The following DPP10 variants were observed in gnomAD, a reference collection of about 807,000 sequenced individuals.
DPP10 encodes inactive dipeptidyl peptidase 10.
DPP10 carries 33 observed loss-of-function variants against 120.9 expected under a neutral mutation model. That is an observed-to-expected ratio of 0.27 (90% confidence interval 0.21 to 0.37). The LOEUF (loss-of-function observed/expected upper bound fraction) is 0.37, where lower values mean the gene tolerates loss of function less well. DPP10 is among the 10% of genes least tolerant of loss of function. The pLI, the probability that DPP10 is intolerant of heterozygous loss-of-function variation, is 1.00. For missense variants in DPP10, 816 were observed against 942.8 expected, an observed-to-expected ratio of 0.87 and a Z score of 1.76; for synonymous variants, 337 against 326.1, an observed-to-expected ratio of 1.03 and a Z score of -0.36.
chr2:114,799,227 C>G (rs951108440), intron 1 of DPP10, among the ~76,000 whole-genome samples: 4 of 152,188 alleles, frequency 2.6e-5, no homozygotes, highest in East Asian at 1.9e-4. Context: ...CATTATCTCT[C>G]CTTCCTAAAG....
chr2:114,831,385 A>T (rs1687106278), intron 1 of DPP10, among the ~76,000 whole-genome samples: 1 of 152,202 alleles, frequency 6.6e-6, no homozygotes, highest in African/African-American at 2.4e-5. Flanking sequence ...CAGAACCCCC[A>T]AACTGAAAAT....
At chr2:114,762,545 T>C (rs1680372981) in intron 1 of DPP10, among the ~76,000 whole-genome samples, 1 of 152,136 alleles carries the variant, frequency 6.6e-6, no homozygotes. Flanking sequence ...CCATGGAATA[T>C]AAAAGGAAGC....
At chr2:114,482,729 G>C (rs1215710784) in intron 1 of DPP10, among the ~76,000 whole-genome samples, 1 of 152,158 alleles carries the variant, frequency 6.6e-6, no homozygotes, top group Non-Finnish European at 1.5e-5. Context: ...TTCAGATAGA[G>C]ACTCTTCAGC....
chr2:114,823,513 G>A (rs1381424739), intron 1 of DPP10, among the ~76,000 whole-genome samples: 3 of 152,136 alleles, frequency 2.0e-5, no homozygotes, highest in Non-Finnish European at 4.4e-5. Context: ...ATGATGCCCT[G>A]TAACCTTCTG....
At chr2:115,326,584 AG>A in intron 2 of DPP10, among the ~76,000 whole-genome samples, 1 of 152,054 alleles carries the variant, frequency 6.6e-6, no homozygotes, top group Admixed American at 6.6e-5. Context: ...AGGAGATTTT[AG>A]CCCCATGCAC....
chr2:114,798,441 T>G (rs1437432433), intron 1 of DPP10, among the ~76,000 whole-genome samples: 2 of 152,180 alleles, frequency 1.3e-5, no homozygotes, highest in Non-Finnish European at 2.9e-5. Context: ...GAATAAGAAT[T>G]GGACTTGTAA....
intron 1 of DPP10, among the ~76,000 whole-genome samples, chr2:114,765,682 AAAT>A (rs1680648650): frequency 6.6e-6 from 1 of 152,218 alleles, no homozygotes; most frequent in African/African-American, 2.4e-5. Flanking sequence ...CTAAAACTTA[AAAT>A]AATAATATAA....
At chr2:114,676,642 T>C (rs1698689607) in intron 1 of DPP10, among the ~76,000 whole-genome samples, 1 of 152,140 alleles carries the variant, frequency 6.6e-6, no homozygotes. Flanking sequence ...TTCATATGAC[T>C]GGAACAAGGC....
chr2:115,254,301 A>G (rs1287305929), intron 1 of DPP10, among the ~76,000 whole-genome samples: 1 of 152,164 alleles, frequency 6.6e-6, no homozygotes, highest in African/African-American at 2.4e-5. Flanking sequence ...AAACTGTCAG[A>G]TCTCATGAAA....
At chr2:115,023,665 G>C (rs1703240868) in intron 1 of DPP10, among the ~76,000 whole-genome samples, 3 of 151,934 alleles carry the variant, frequency 2.0e-5, no homozygotes, top group Admixed American at 2.0e-4. Context: ...GAGGAAAAAA[G>C]TTATTATATG....
intron 1 of DPP10, chr2:115,064,601 C>T: frequency 2.5e-6 from 3 of 1,219,450 alleles, no homozygotes; most frequent in Non-Finnish European, 2.1e-6. Context: ...CATAGGTGGG[C>T]ACTGACGTAG....
At chr2:115,048,598 G>A (rs954757119) in intron 1 of DPP10, among the ~76,000 whole-genome samples, 3 of 151,990 alleles carry the variant, frequency 2.0e-5, no homozygotes, top group Non-Finnish European at 4.4e-5. Context: ...TTATGATCTG[G>A]GGTCTGTCCA....
chr2:115,790,893 A>T (rs1341483959), intron 17 of DPP10, among the ~76,000 whole-genome samples, 188 bp from the exon 18 acceptor site: 1 of 152,200 alleles, frequency 6.6e-6, no homozygotes, highest in African/African-American at 2.4e-5. Context: ...ATAGAAGCAA[A>T]TGAAAAAGTT....
intron 5 of DPP10, among the ~76,000 whole-genome samples, chr2:115,553,937 A>C (rs955849945): frequency 6.6e-6 from 1 of 151,204 alleles, no homozygotes. Context: ...GGTGAAGTGA[A>C]TACTGGAGAG....
chr2:114,716,949 G>A (rs978809081), intron 1 of DPP10, among the ~76,000 whole-genome samples: 3 of 152,076 alleles, frequency 2.0e-5, no homozygotes, highest in Non-Finnish European at 2.9e-5. Context: ...AATATAAGAC[G>A]TACACAGCTT....
At chr2:115,530,902 T>C (rs1017085012) in intron 5 of DPP10, among the ~76,000 whole-genome samples, 2 of 152,064 alleles carry the variant, frequency 1.3e-5, no homozygotes, top group Non-Finnish European at 2.9e-5. Context: ...TTGAAGACCA[T>C]TGAATTTAAG....
intron 1 of DPP10, among the ~76,000 whole-genome samples, chr2:114,497,079 A>ATACATGTACATGTACATGTG (rs1336611128): frequency 2.0e-5 from 3 of 150,364 alleles, no homozygotes; most frequent in East Asian, 2.0e-4. Flanking sequence ...ACATATACAT[A>ATACATGTACATGTACATGTG]TACATGTACA....
intron 1 of DPP10, among the ~76,000 whole-genome samples, chr2:114,982,855 C>A (rs1033436495): frequency 3.3e-5 from 5 of 152,146 alleles, no homozygotes; most frequent in Admixed American, 1.3e-4. Context: ...GATCTGCCCA[C>A]CTGAGCCTCC....
chr2:115,183,238 T>C (rs1193955561), intron 1 of DPP10, among the ~76,000 whole-genome samples: 1 of 152,152 alleles, frequency 6.6e-6, no homozygotes, highest in African/African-American at 2.4e-5. Flanking sequence ...TGTTCATTCA[T>C]TTTTTAGAGA....
Sources: gnomAD v4.1 joint callset for allele counts (sites outside exome capture counted in the v4.1 genomes callset) on GRCh38, gnomAD v4.1.1 for gene constraint, MANE v1.5 for transcripts, NCBI Gene and HGNC (gene_info 2026-07-23, HGNC 2026-07-21) for gene names.